Variants in LRRC7 observed in about 807,000 individuals in gnomAD.
LRRC7 encodes leucine-rich repeat-containing protein 7.
A neutral mutation model predicts 175.7 loss-of-function variants in LRRC7; 23 were observed. That is an observed-to-expected ratio of 0.13 (90% CI 0.09 to 0.19). The LOEUF (loss-of-function observed/expected upper bound fraction) is 0.19, where lower values mean the gene tolerates loss of function less well. Among genes scored for constraint, LRRC7 ranks in the 10% least tolerant of loss-of-function variants. The pLI is 1.00. For missense variants in LRRC7, 1,354 were observed against 1,904.7 expected, an observed-to-expected ratio of 0.71 and a Z score of 5.38; for synonymous variants, 685 against 680.9, an observed-to-expected ratio of 1.01 and a Z score of -0.09.
chr1:69,601,518 T>C (rs1311397407), intron 1 of LRRC7, among the ~76,000 whole-genome samples: 1 of 152,222 alleles, frequency 6.6e-6, no homozygotes, highest in Admixed American at 6.5e-5. Flanking sequence ...ACCTATTTTC[T>C]CAACTAGAGG....
At chr1:69,992,308 G>A (rs1378242487) in intron 10 of LRRC7, among the ~76,000 whole-genome samples, 1 of 152,046 alleles carries the variant, frequency 6.6e-6, no homozygotes, top group Non-Finnish European at 1.5e-5. Flanking sequence ...CTGCATATAT[G>A]TGTGTGTAGT....
intron 3 of LRRC7, among the ~76,000 whole-genome samples, chr1:69,788,754 A>G (rs1160224196): frequency 2.6e-5 from 4 of 152,190 alleles, no homozygotes; most frequent in African/African-American, 9.6e-5. Flanking sequence ...AGCACCATCA[A>G]CAATAAAATC....
chr1:69,927,747 G>A (rs1260401681), intron 7 of LRRC7, among the ~76,000 whole-genome samples: 3 of 152,028 alleles, frequency 2.0e-5, no homozygotes, highest in Non-Finnish European at 4.4e-5. Flanking sequence ...TTTGCCTTTG[G>A]TTTGAATTTC....
At chr1:69,981,228 A>C (rs562876277) in intron 9 of LRRC7, among the ~76,000 whole-genome samples, 1 of 152,332 alleles carries the variant, frequency 6.6e-6, no homozygotes, top group African/African-American at 2.4e-5. Flanking sequence ...CAGCAGGTGA[A>C]TATGTAATAA....
intron 2 of LRRC7, among the ~76,000 whole-genome samples, chr1:69,703,728 A>G (rs1663672855): frequency 6.6e-6 from 1 of 152,036 alleles, no homozygotes; most frequent in Admixed American, 6.6e-5. Flanking sequence ...GTGTACATAT[A>G]GCATGTATAT....
At chr1:70,120,628 T>C (rs763236625) in intron 26 of LRRC7, among the ~76,000 whole-genome samples, 34 of 152,108 alleles carry the variant, frequency 2.2e-4, no homozygotes, top group Non-Finnish European at 4.4e-4. Flanking sequence ...ATTAATCATA[T>C]TTTAAGAAAG....
intron 7 of LRRC7, among the ~76,000 whole-genome samples, chr1:69,862,092 G>T (rs1394493740): frequency 6.6e-6 from 1 of 152,146 alleles, no homozygotes; most frequent in Non-Finnish European, 1.5e-5. Context: ...AGCTTGGATG[G>T]TCATTAGCAC....
rs563990021 is a variant in LRRC7, at chr1:69,649,753, C to T, written c.3-28628C>T. On this transcript the variant is annotated intron_variant, in intron 1 of 26. Transcript: ENST00000651989. ...CAGGCTCCTAAGCCTGGTTCTTTTA[C>T]GCAGTTCACAAACTGCCTCCAGCTT... 2.0e-4 allele frequency among the ~76,000 whole-genome samples: 30 copies of T among 152,088 alleles called. No homozygotes were observed. In the South Asian group the frequency reaches 6.0e-3, roughly 31 times the overall value.
intron 1 of LRRC7, among the ~76,000 whole-genome samples, chr1:69,572,350 A>T (rs964327431): frequency 6.6e-6 from 1 of 152,172 alleles, no homozygotes; most frequent in Admixed American, 6.5e-5. Context: ...GATGGAACAA[A>T]AAAGCAAATT....
chr1:69,832,046 G>A (rs1172692583), intron 5 of LRRC7, among the ~76,000 whole-genome samples: 1 of 152,084 alleles, frequency 6.6e-6, no homozygotes, highest in African/African-American at 2.4e-5. Flanking sequence ...ATATAAATGT[G>A]TTTGTTTTAG....
chr1:69,980,436 T>C lies in LRRC7; in HGVS notation c.769T>C (p.Leu257=). The change falls in exon 9 of 27, where the codon TTA becomes CTA. Residue 257 remains leucine, a synonymous_variant. Transcript: ENST00000651989. The part of the protein sequence containing the change: ...LRELWMDNNA[L]QVLPGSIGKL... ...GGAGTTATGGATGGATAATAATGCA[T>C]TACAAGTGTTACCTGGGGTATGTAA... 1.2e-6 allele frequency: 2 copies of C among 1,610,710 alleles called. No homozygotes were observed. Among genetic ancestry groups the C allele is most frequent in the Non-Finnish European group, 1.7e-6 (2 of 1,177,684 alleles).
At chr1:69,687,637 T>A (rs139136324) in intron 2 of LRRC7, among the ~76,000 whole-genome samples, 1,968 of 147,012 alleles carry the variant, frequency 0.013, 22 homozygotes, top group Middle Eastern at 0.031. Flanking sequence ...GAGTCAGTAT[T>A]ATGTACACTA....
intron 8 of LRRC7, among the ~76,000 whole-genome samples, chr1:69,960,260 GTT>G (rs1180046353): frequency 1.3e-5 from 2 of 152,062 alleles, no homozygotes; most frequent in Non-Finnish European, 2.9e-5. Flanking sequence ...TAGATTTCTA[GTT>G]TATGTGCTTA....
intron 22 of LRRC7, among the ~76,000 whole-genome samples, chr1:70,046,666 CA>C (rs1660354446): frequency 6.6e-6 from 1 of 152,064 alleles, no homozygotes; most frequent in Non-Finnish European, 1.5e-5. Flanking sequence ...TTTCCCACCC[CA>C]TCACCAATGC....
chr1:69,670,944 G>A lies in LRRC7; in HGVS notation c.3-7437G>A, dbSNP rs533662488. ...TTTGGCCCAGGATAGGTCAAGAAAT[G>A]TCATGCAGGAGTCGAGGCCTGGAAC... On this transcript the variant is annotated intron_variant, in intron 1 of 26. Coordinates refer to ENST00000651989, the MANE Select transcript of LRRC7 (RefSeq NM_001370785.2). 9.8e-5 allele frequency among the ~76,000 whole-genome samples: 15 copies of A among 152,288 alleles called. 1 individual carries two copies. The South Asian group carries it at 1.0e-3, about 11-fold the overall frequency.
intron 7 of LRRC7, among the ~76,000 whole-genome samples, chr1:69,878,716 T>G (rs1686271507): frequency 6.6e-6 from 1 of 151,832 alleles, no homozygotes; most frequent in South Asian, 2.1e-4. Flanking sequence ...AAATCACAGG[T>G]TTATAATGCA....
At chr1:70,005,803 C>G (rs114327341) in intron 11 of LRRC7, among the ~76,000 whole-genome samples, 3,878 of 152,242 alleles carry the variant, frequency 0.025, 104 homozygotes, top group Admixed American at 0.082. Flanking sequence ...CATGCAGGAC[C>G]TGGGCCTCTC....
intron 1 of LRRC7, among the ~76,000 whole-genome samples, chr1:69,595,070 A>G (rs909687381): frequency 7.2e-5 from 11 of 151,998 alleles, no homozygotes; most frequent in Admixed American, 7.2e-4. Context: ...TTGAATATAG[A>G]CCAACTCATT....
chr1:69,823,943 A>T (rs903568799), intron 4 of LRRC7, among the ~76,000 whole-genome samples: 3 of 152,186 alleles, frequency 2.0e-5, no homozygotes, highest in African/African-American at 7.2e-5. Flanking sequence ...CTAGGATTCC[A>T]TCTCGAGCCA....
Sources: allele counts gnomAD v4.1 joint callset (sites outside exome capture counted in the v4.1 genomes callset), GRCh38; gene constraint gnomAD v4.1.1; transcripts MANE v1.5; gene names NCBI Gene and HGNC (gene_info 2026-07-23, HGNC 2026-07-21).